The following RFX3 variants were observed in gnomAD, a reference collection of about 807,000 sequenced individuals.
RFX3 encodes regulatory factor X3, also known as transcription factor RFX3.
Under a neutral mutation model 98.6 loss-of-function variants are expected in RFX3, and 14 were observed. That is an observed-to-expected ratio of 0.14 (90% confidence interval 0.09 to 0.22). The LOEUF (loss-of-function observed/expected upper bound fraction) is 0.22, where lower values mean the gene tolerates loss of function less well. Ranked by LOEUF, RFX3 falls within the 10% of genes least tolerant of loss-of-function variation. The pLI is 1.00. For synonymous variants in RFX3, 383 were observed against 328.4 expected (o/e 1.17, Z -1.80); for missense variants, 639 against 926.9 (o/e 0.69, Z 4.03).
At chr9:3,312,195 T>C (rs774389210) in intron 4 of RFX3, among the ~76,000 whole-genome samples, 14 of 152,208 alleles carry the variant, frequency 9.2e-5, no homozygotes, top group Non-Finnish European at 1.6e-4. Flanking sequence ...TGTATATACA[T>C]AGTCACATGT....
chr9:3,281,319 G>T (rs1825886054), intron 7 of RFX3, among the ~76,000 whole-genome samples: 1 of 149,130 alleles, frequency 6.7e-6, no homozygotes, highest in Admixed American at 6.7e-5. Context: ...ACCATATCAG[G>T]AGAATAATAA....
intron 1 of RFX3, among the ~76,000 whole-genome samples, chr9:3,452,710 TG>T (rs2132893011): frequency 1.3e-5 from 2 of 152,358 alleles, no homozygotes; most frequent in South Asian, 4.1e-4. Flanking sequence ...ATAGACACTC[TG>T]GCTATCTGAA....
intron 1 of RFX3, among the ~76,000 whole-genome samples, chr9:3,397,631 G>C (rs939355164): frequency 1.3e-5 from 2 of 152,088 alleles, no homozygotes; most frequent in Non-Finnish European, 2.9e-5. Context: ...CTTGGGACTG[G>C]GCTTTTTCAC....
intron 1 of RFX3, among the ~76,000 whole-genome samples, chr9:3,441,698 A>C (rs1235449720): frequency 6.6e-6 from 1 of 152,222 alleles, no homozygotes; most frequent in Non-Finnish European, 1.5e-5. Flanking sequence ...AAATGAGGCC[A>C]TACTGATAAA....
At chr9:3,254,770 T>C (rs1821889402) in intron 14 of RFX3, among the ~76,000 whole-genome samples, 1 of 152,186 alleles carries the variant, frequency 6.6e-6, no homozygotes, top group Admixed American at 6.5e-5. Flanking sequence ...TTGCTGCATC[T>C]ACCTTGAGAA....
In RFX3 at chr9:3,221,661, T is replaced by C. The variant is rs750034940; in HGVS notation, c.*3381A>G. The C allele has an allele frequency of 7.9e-5, 12 of 152,006 alleles. No homozygotes were observed. The highest frequency in any genetic ancestry group is 3.2e-3 in the Middle Eastern group (1 of 314). 9.4% of individuals were successfully genotyped at this position (152,006 alleles called of 1,614,324 possible). On this transcript the variant is annotated 3_prime_UTR_variant, in exon 17 of 17. Transcript: ENST00000617270. The stretch of plus-strand genomic sequence containing the variant: ...AGCAACTTGATAGCCAAAGAAAAAA[T>C]TGAAAATTGGGCCCTGTCTTCCAAG...
intron 1 of RFX3, among the ~76,000 whole-genome samples, chr9:3,504,901 T>C (rs1204595023): frequency 4.6e-5 from 2 of 43,338 alleles, no homozygotes; most frequent in Non-Finnish European, 6.8e-5. Context: ...TAACATATAT[T>C]ATATATATAT....
chr9:3,262,927 T>C lies in RFX3; in HGVS notation c.1605+8A>G, dbSNP rs1460890527. On this transcript the variant is annotated splice_region_variant and intron_variant, in intron 13 of 16. Transcript: ENST00000617270. ...TTAAGAGACATGCTTTGCAAGGAAA[T>C]AGAATACCTGGACATTGGCAAAGTC... 5 of 1,612,228 alleles carry C rather than the reference T, an allele frequency of 3.1e-6. No homozygotes were observed. The highest frequency in any genetic ancestry group is 2.2e-5 in the South Asian group (2 of 90,822).
At chr9:3,313,905 C>G (rs1020701425) in intron 4 of RFX3, among the ~76,000 whole-genome samples, 1 of 152,252 alleles carries the variant, frequency 6.6e-6, no homozygotes, top group South Asian at 2.1e-4. Context: ...GATTGGTGTA[C>G]CTGAAAGTGA....
chr9:3,419,828 T>G (rs533172269), intron 1 of RFX3, among the ~76,000 whole-genome samples: 7 of 152,376 alleles, frequency 4.6e-5, no homozygotes, highest in African/African-American at 7.2e-5. Flanking sequence ...ATATGTAGAA[T>G]GTTTAATAAT....
At chr9:3,234,893 TTCAAGAGAGGACAGC>T (rs1186090987) in intron 15 of RFX3, among the ~76,000 whole-genome samples, 1 of 152,168 alleles carries the variant, frequency 6.6e-6, no homozygotes, top group East Asian at 1.9e-4. Flanking sequence ...AACCAGAGCC[TTCAAGAGAGGACAGC>T]TCATGCATAT....
In RFX3 at chr9:3,248,038, C is replaced by G. The variant is rs748451113; in HGVS notation, c.1962G>C (p.Met654Ile). Residue 654 changes from methionine to isoleucine, a missense_variant, in exon 15 of 17, where the codon ATG becomes ATC. Transcript: ENST00000617270. ...CTCTTTCAGCCTCTCTTACCTCGCC[C>G]ATGACTGCTATAGGAGTCTCTCCTG... ...QATGETPIAV[M>I]GEFGDLNAVS... is the part of the protein sequence containing the mutation. 6.2e-7 allele frequency: 1 copy of G among 1,614,034 alleles called. No individual in the cohort carries two copies. The highest frequency in any genetic ancestry group is 8.5e-7 in the Non-Finnish European group (1 of 1,179,946).
chr9:3,371,347 T>C (rs1441696619), intron 2 of RFX3, among the ~76,000 whole-genome samples: 1 of 152,198 alleles, frequency 6.6e-6, no homozygotes, highest in East Asian at 1.9e-4. Context: ...TTCTTACTCT[T>C]TAATTTTAAT....
In RFX3 at chr9:3,513,380, T is replaced by C. The variant is rs533713373; in HGVS notation, c.-9+12367A>G. 1.2e-4 allele frequency among the ~76,000 whole-genome samples: 18 copies of C among 152,280 alleles called. No homozygotes were observed. In the East Asian group the frequency reaches 3.5e-3, roughly 29 times the overall value. The stretch of plus-strand genomic sequence containing the variant: ...TCTACATTGTACTAGTCACTGTTCA[T>C]ACTCTAGTTTTTCAAATTATATGAT... On this transcript the variant is annotated intron_variant, in intron 1 of 16. Coordinates refer to ENST00000617270, the MANE Select transcript of RFX3 (RefSeq NM_001282116.2).
chr9:3,229,921 C>G (rs1320208585), intron 15 of RFX3, among the ~76,000 whole-genome samples: 1 of 152,108 alleles, frequency 6.6e-6, no homozygotes, highest in Non-Finnish European at 1.5e-5. Context: ...CTTACCTAGA[C>G]AAGTACTGTT....
chr9:3,410,794 T>C (rs1842402161), intron 1 of RFX3, among the ~76,000 whole-genome samples: 1 of 152,228 alleles, frequency 6.6e-6, no homozygotes, highest in Non-Finnish European at 1.5e-5. Flanking sequence ...TTAAAAAGAT[T>C]TAAAAACTGC....
chr9:3,399,612 G>A (rs1388377896), intron 1 of RFX3, among the ~76,000 whole-genome samples: 2 of 152,024 alleles, frequency 1.3e-5, no homozygotes, highest in Admixed American at 6.6e-5. Context: ...TCTTTTGAGG[G>A]TAATCAGAAA....
chr9:3,409,131 T>C (rs938981737), intron 1 of RFX3, among the ~76,000 whole-genome samples: 8 of 152,258 alleles, frequency 5.3e-5, no homozygotes, highest in African/African-American at 1.9e-4. Context: ...TTCTGTCATT[T>C]TGCTATCTTC....
At chr9:3,285,562 G>T (rs964809990) in intron 7 of RFX3, among the ~76,000 whole-genome samples, 2 of 151,546 alleles carry the variant, frequency 1.3e-5, no homozygotes, top group South Asian at 4.2e-4. Context: ...CCTTCAGAGA[G>T]ACCACAGAAG....
Sources: allele counts gnomAD v4.1 joint callset (sites outside exome capture counted in the v4.1 genomes callset), GRCh38; gene constraint gnomAD v4.1.1; transcripts MANE v1.5; gene names NCBI Gene and HGNC (gene_info 2026-07-23, HGNC 2026-07-21).